PBX4: variants seen among roughly 807,000 people sequenced by gnomAD.
PBX4 encodes PBX homeobox 4.
Under a neutral mutation model 35.1 loss-of-function variants are expected in PBX4, and 26 were observed. The ratio of observed to expected loss-of-function variants is 0.74; its 90% CI spans 0.54 to 1.03. PBX4 has a LOEUF of 1.03. Among genes scored for constraint, PBX4 ranks in the 50% least tolerant of loss-of-function variants. The pLI is 0.00. For missense variants in PBX4, 448 were observed against 504.3 expected (o/e 0.89, Z 1.07); for synonymous variants, 199 against 204.2 (o/e 0.97, Z 0.22).
chr19:19,605,840 ATTTTTTTTTTT>A (rs71338333), intron 1 of PBX4, among the ~76,000 whole-genome samples: 18 of 123,094 alleles, frequency 1.5e-4, no homozygotes, highest in Non-Finnish European at 1.5e-4. Context: ...AGGCTCTAGG[ATTTTTTTTTTT>A]TTTTTTTTTT....
chr19:19,594,824 T>C (rs1303297638), intron 2 of PBX4, among the ~76,000 whole-genome samples: 1 of 151,974 alleles, frequency 6.6e-6, no homozygotes, highest in Non-Finnish European at 1.5e-5. Flanking sequence ...TGGGTTCAAG[T>C]GATACTCCTG....
intron 2 of PBX4, among the ~76,000 whole-genome samples, chr19:19,578,637 C>T (rs1331804421): frequency 6.6e-6 from 1 of 152,176 alleles, no homozygotes; most frequent in Non-Finnish European, 1.5e-5. Context: ...TCCTTCTGTT[C>T]CCAACTTACT....
intron 2 of PBX4, chr19:19,588,304 C>T (rs779955841): frequency 6.7e-5 from 74 of 1,101,462 alleles, no homozygotes; most frequent in African/African-American, 2.9e-4. Context: ...AGTGCAGGGA[C>T]GCACATAGGA....
rs535319193 is a variant in PBX4 at position 19,601,904 on chromosome 19, C to A, written c.120-2539G>T. Among the ~76,000 whole-genome samples, 118 of 152,074 alleles carry A rather than the reference C, an allele frequency of 7.8e-4. No individual in the cohort carries two copies. In the South Asian group the frequency reaches 0.017, roughly 21 times the overall value. ...CTGTAATTCTAGCATTTTGGGAGGC[C>A]GAGGCAGGCAGATCGCTGGAGCTCA... On this transcript the variant is annotated intron_variant, in intron 1 of 7. Coordinates refer to ENST00000251203, the MANE Select transcript of PBX4 (RefSeq NM_025245.3).
chr19:19,568,967 G>A (rs898657079), intron 5 of PBX4, among the ~76,000 whole-genome samples: 1 of 152,224 alleles, frequency 6.6e-6, no homozygotes. Context: ...CAGATGAACG[G>A]GGAGAGCGCT....
chr19:19,618,592 G>A lies in PBX4; in HGVS notation c.38C>T (p.Ala13Val). 1 of 1,294,988 alleles carries A rather than the reference G, an allele frequency of 7.7e-7. No homozygotes were observed. The highest frequency in any genetic ancestry group is 2.9e-5 in the South Asian group (1 of 35,036). The allele number at this position is 1,294,988 out of a possible 1,614,324, so 80.2% of individuals were successfully genotyped here. ...GTCGCTCGTGTCGAGGCGCCGCGGG[G>A]CGGGGGGCGATGGCGCGGGGCGCGG... ...APPRPAPSPP[A>V]PRRLDTSDVL... The change falls in exon 1 of 8, where the codon GCC (alanine) becomes GTC (valine). Residue 13 changes from alanine to valine, a missense_variant. Physicochemically the swap from Ala to Val is moderately conservative, Grantham distance 64 (BLOSUM62 0). Transcript: ENST00000251203.
chr19:19,563,680 C>T lies in PBX4; in HGVS notation c.926-65G>A. The T allele has an allele frequency of 7.2e-7, 1 of 1,384,878 alleles. No homozygotes were observed. Among genetic ancestry groups the T allele is most frequent in the South Asian group, 1.2e-5 (1 of 80,214 alleles). 85.8% of individuals were successfully genotyped at this position (1,384,878 alleles called of 1,614,324 possible). Reference sequence around the variant, plus strand: ...CCTCCTCAGGTGGAACCCACCCAGCCCCTCAGCCGGCAGGAGGCCTCGAAT... The same window carrying T: ...CCTCCTCAGGTGGAACCCACCCAGCTCCTCAGCCGGCAGGAGGCCTCGAAT... On this transcript the variant is annotated intron_variant, in intron 6 of 7. Transcript: ENST00000251203. The surrounding 1 kb of genome is among the most constrained non-coding windows in gnomAD (Gnocchi z 5.1).
chr19:19,594,750 C>T (rs570789010), intron 2 of PBX4, among the ~76,000 whole-genome samples: 8 of 152,146 alleles, frequency 5.3e-5, no homozygotes, highest in African/African-American at 1.9e-4. Context: ...TAGACAGGGT[C>T]TCACTCTGTC....
chr19:19,573,330 TACACACACACACAC>T (rs397838081), intron 2 of PBX4, among the ~76,000 whole-genome samples: 22 of 133,376 alleles, frequency 1.6e-4, no homozygotes, highest in African/African-American at 3.4e-4. Context: ...AAAAAAAATA[TACACACACACACAC>T]ACACACACAC....
At chr19:19,597,247 G>C (rs1732095645) in intron 2 of PBX4, among the ~76,000 whole-genome samples, 1 of 152,096 alleles carries the variant, frequency 6.6e-6, no homozygotes, top group Admixed American at 6.6e-5. Flanking sequence ...TTTACACTGG[G>C]GAGGGTTAGG....
chr19:19,570,546 G>A (rs2061375879), intron 3 of PBX4, 40 bp downstream of exon 3: 6 of 1,604,446 alleles, frequency 3.7e-6, no homozygotes, highest in East Asian at 2.2e-5. Flanking sequence ...TGACAAATGC[G>A]CATTCACATG....
intron 2 of PBX4, among the ~76,000 whole-genome samples, chr19:19,573,943 T>C (rs2061403150): frequency 6.6e-6 from 1 of 152,176 alleles, no homozygotes; most frequent in Non-Finnish European, 1.5e-5. Context: ...TTGGCCAGGC[T>C]AATCTCGAAT....
intron 1 of PBX4, among the ~76,000 whole-genome samples, chr19:19,617,988 C>T (rs948767482): frequency 3.9e-5 from 6 of 152,044 alleles, no homozygotes; most frequent in African/African-American, 1.4e-4. Context: ...AGACCCCTGT[C>T]TCTACAAAAT....
At chr19:19,593,853 A>G (rs2061543206) in intron 2 of PBX4, among the ~76,000 whole-genome samples, 1 of 152,080 alleles carries the variant, frequency 6.6e-6, no homozygotes, top group Non-Finnish European at 1.5e-5. Flanking sequence ...GTGGCCAGGC[A>G]CAGTGGCGCC....
chr19:19,617,732 C>A (rs1363430740), intron 1 of PBX4, among the ~76,000 whole-genome samples: 3 of 152,150 alleles, frequency 2.0e-5, no homozygotes, highest in Non-Finnish European at 4.4e-5. Context: ...TCCATCTCCA[C>A]CCACTCCTCT....
rs114650003 is a variant in PBX4, at chr19:19,592,814, T to A, written c.193+6478A>T. 4.1e-3 allele frequency among the ~76,000 whole-genome samples: 625 copies of A among 152,288 alleles called. 9 individuals are homozygous for A. Among genetic ancestry groups the A allele is most frequent in the African/African-American group, 0.014 (588 of 41,566 alleles). ...TGGCCAGGAATGGTCATTGTTCAGA[T>A]GACACAGGTGGGTGTGTGGGGCCCA... On this transcript the variant is annotated intron_variant, in intron 2 of 7. Coordinates refer to ENST00000251203, the MANE Select transcript of PBX4 (RefSeq NM_025245.3).
At chr19:19,582,817 C>T (rs1441402795) in intron 2 of PBX4, among the ~76,000 whole-genome samples, 10 of 152,192 alleles carry the variant, frequency 6.6e-5, no homozygotes, top group Admixed American at 2.6e-4. Context: ...AACCCTAAGA[C>T]GCTGCGCTGC....
Position 19,588,490 on chromosome 19 carries a change from GCTGGTCT to G in PBX4, c.193+10795_193+10801del. The G allele has an allele frequency of 9.3e-6, 6 of 648,614 alleles. No homozygotes were observed. In the East Asian group the frequency reaches 1.5e-4, roughly 16 times the overall value. 40.2% of individuals were successfully genotyped at this position (648,614 alleles called of 1,614,324 possible). A position where few individuals can be genotyped will look rare whatever the true frequency, so the allele number is the denominator to read the frequency against. On this transcript the variant is annotated intron_variant, in intron 2 of 7. Transcript: ENST00000251203. ...GACAGGGTTTCACCATGTTGGCCAG[GCTGGTCT>G]CGAACTCCTGACCTCGTGATCTACC...
At chr19:19,589,255 C>T (rs2061510946) in intron 2 of PBX4, among the ~76,000 whole-genome samples, 2 of 151,962 alleles carry the variant, frequency 1.3e-5, no homozygotes. Flanking sequence ...GATGAAACCC[C>T]ATCTCTACTA....
Sources: allele counts gnomAD v4.1 joint callset (sites outside exome capture counted in the v4.1 genomes callset), GRCh38; gene constraint gnomAD v4.1.1; non-coding constraint Gnocchi (gnomAD v3.1); transcripts MANE v1.5; gene names NCBI Gene and HGNC (gene_info 2026-07-23, HGNC 2026-07-21).